HDGFL3: variants seen among roughly 807,000 people sequenced by gnomAD.
HDGFL3 encodes the protein hepatoma-derived growth factor-related protein 3.
In HDGFL3, 6 loss-of-function variants were observed where a neutral mutation model predicts 27.6. The observed-to-expected ratio is 0.22, with a 90% CI of 0.12 to 0.43. The LOEUF is 0.43. HDGFL3 is among the 20% of genes least tolerant of loss of function. HDGFL3 has a pLI of 1.00. For missense variants in HDGFL3, 207 were observed against 250.1 expected, an observed-to-expected ratio of 0.83 and a Z score of 1.16; for synonymous variants, 88 against 88.9, an observed-to-expected ratio of 0.99 and a Z score of 0.05.
At chr15:83,197,089 G>A (rs1359231807) in intron 1 of HDGFL3, among the ~76,000 whole-genome samples, 1 of 152,146 alleles carries the variant, frequency 6.6e-6, no homozygotes, top group Non-Finnish European at 1.5e-5. Context: ...CTTTATCCCA[G>A]GAGTGTACTC....
intron 4 of HDGFL3, among the ~76,000 whole-genome samples, chr15:83,154,731 A>G (rs1176208817): frequency 2.6e-5 from 4 of 152,242 alleles, no homozygotes; most frequent in Admixed American, 2.6e-4. Context: ...TAAATACAGT[A>G]TAACTATTCA....
At chr15:83,204,479 T>C (rs1469580650) in intron 1 of HDGFL3, among the ~76,000 whole-genome samples, 2 of 152,152 alleles carry the variant, frequency 1.3e-5, no homozygotes, top group South Asian at 4.1e-4. Flanking sequence ...AGGGAGGATA[T>C]ATGAACAGAT....
rs2151378170 is a variant in HDGFL3, at chr15:83,128,398, A to C, written c.*10872T>G. The C allele has an allele frequency of 6.6e-6, 1 of 152,342 alleles. No individual in the cohort carries two copies. The highest frequency in any genetic ancestry group is 2.1e-4 in the South Asian group (1 of 4,832). The allele number at this position is 152,342 out of a possible 1,614,324, so 9.4% of individuals were successfully genotyped here. On this transcript the variant is annotated 3_prime_UTR_variant, in exon 6 of 6. Coordinates refer to ENST00000299633, the MANE Select transcript of HDGFL3 (RefSeq NM_016073.4). ...AAAAGTTGATGTAGCATCCAGAAGT[A>C]ATGGTTCCTGTCCTTTCCTTGAGGG...
intron 3 of HDGFL3, among the ~76,000 whole-genome samples, chr15:83,122,529 A>T (rs2035367008): frequency 6.6e-6 from 1 of 152,198 alleles, no homozygotes; most frequent in Non-Finnish European, 1.5e-5. Context: ...GTACAGCCAT[A>T]GCTCACTGCA....
Position 83,140,300 on chromosome 15 carries a change from T to TA in HDGFL3, c.607-1026dup, listed in dbSNP as rs200686277. On this transcript the variant is annotated intron_variant, in intron 5 of 5. Transcript: ENST00000299633. ...CTATTAAAATGAGGAAGTAAATCTTTAAAAAAAAAGTTTGAAATTTGTGAA... is the reference window on the plus strand; with the variant it reads ...CTATTAAAATGAGGAAGTAAATCTTTAAAAAAAAAAGTTTGAAATTTGTGAA... 3.8e-3 allele frequency among the ~76,000 whole-genome samples: 569 copies of TA among 151,310 alleles called. 3 individuals are homozygous for TA. The highest frequency in any genetic ancestry group is 8.1e-3 in the Admixed American group (122 of 15,148).
chr15:83,206,194 T>G (rs1373347630), intron 1 of HDGFL3, among the ~76,000 whole-genome samples: 1 of 152,242 alleles, frequency 6.6e-6, no homozygotes, highest in Non-Finnish European at 1.5e-5. Flanking sequence ...TGGCCACTCG[T>G]GATGTCACTT....
At chr15:83,118,281 A>G (rs2034887939) in intron 3 of HDGFL3, among the ~76,000 whole-genome samples, 1 of 151,950 alleles carries the variant, frequency 6.6e-6, no homozygotes, top group Admixed American at 6.6e-5. Context: ...AGAGAGCAAG[A>G]GAGAGAGAGG....
At chr15:83,206,286 A>G (rs1435411821) in intron 1 of HDGFL3, among the ~76,000 whole-genome samples, 2 of 152,116 alleles carry the variant, frequency 1.3e-5, no homozygotes, top group Non-Finnish European at 2.9e-5. Flanking sequence ...AGCTCACACT[A>G]TATTTATGCC....
intron 5 of HDGFL3, among the ~76,000 whole-genome samples, chr15:83,149,004 G>T (rs186058068): frequency 6.6e-6 from 1 of 151,962 alleles, no homozygotes; most frequent in Admixed American, 6.6e-5. Context: ...TTTTAGGTTC[G>T]GTGGTAGGGT....
rs143939477 is a variant in HDGFL3 at position 83,141,526 on chromosome 15, T to C, written c.607-2251A>G. On this transcript the variant is annotated intron_variant, in intron 5 of 5. Transcript: ENST00000299633. ...AACTGTTTTTTGCCAATGATAAAATTTGAGTGTTCAGTGAAAACTAGAATT... is the reference window on the plus strand; with the variant it reads ...AACTGTTTTTTGCCAATGATAAAATCTGAGTGTTCAGTGAAAACTAGAATT... Among the ~76,000 whole-genome samples the C allele has an allele frequency of 7.2e-5, 11 of 152,360 alleles. No homozygotes were observed. In the East Asian group the frequency reaches 1.7e-3, roughly 24 times the overall value.
intron 5 of HDGFL3, among the ~76,000 whole-genome samples, chr15:83,140,208 GGAGA>G (rs891139975): frequency 1.3e-5 from 2 of 152,056 alleles, no homozygotes; most frequent in African/African-American, 2.4e-5. Flanking sequence ...GACCTTCAAA[GGAGA>G]GAGAGTTACC....
chr15:83,197,234 C>T (rs140643221), intron 1 of HDGFL3, among the ~76,000 whole-genome samples: 3 of 152,280 alleles, frequency 2.0e-5, no homozygotes, highest in African/African-American at 7.2e-5. Context: ...CCTGGCATAT[C>T]ATAAAATTTA....
chr15:83,116,270 A>G (rs982829162), intron 3 of HDGFL3, among the ~76,000 whole-genome samples: 1 of 152,204 alleles, frequency 6.6e-6, no homozygotes, highest in Non-Finnish European at 1.5e-5. Flanking sequence ...TTAATACATG[A>G]CTATCTCAGA....
At position 83,130,233 on chromosome 15, in the gene HDGFL3, A is replaced by C. The variant is rs1461266124; in HGVS notation, c.*9037T>G. On this transcript the variant is annotated 3_prime_UTR_variant, in exon 6 of 6. Coordinates refer to ENST00000299633, the MANE Select transcript of HDGFL3 (RefSeq NM_016073.4). ...GCCAGGGTCAACAGTCAGGAAGCTT[A>C]GGAAGGTCATAGCTTAGAGGAAAAT... The C allele has an allele frequency of 1.3e-5, 2 of 152,374 alleles. No individual in the cohort carries two copies. The highest frequency in any genetic ancestry group is 2.9e-5 in the Non-Finnish European group (2 of 68,146). The allele number at this position is 152,374 out of a possible 1,614,324, so 9.4% of individuals were successfully genotyped here. A position where few individuals can be genotyped will look rare whatever the true frequency, so the allele number is the denominator to read the frequency against.
intron 3 of HDGFL3, among the ~76,000 whole-genome samples, chr15:83,120,581 CTAAT>C (rs1183018200): frequency 3.7e-4 from 55 of 150,218 alleles, no homozygotes; most frequent in African/African-American, 1.2e-3. Context: ...TCAGCTCCAG[CTAAT>C]TCTTTTTTTT....
In HDGFL3 at chr15:83,148,781, T is replaced by G. The variant is rs373750828; in HGVS notation, c.606+2434A>C. Among the ~76,000 whole-genome samples the G allele has an allele frequency of 8.9e-4, 135 of 152,180 alleles. 2 individuals are homozygous for G. The South Asian group carries it at 0.028, about 31-fold the overall frequency. ...CTACACATAACCACATGAAGGAATCTTGGGAAAACAGTGCTGAGTGAATGT... is the reference window on the plus strand; with the variant it reads ...CTACACATAACCACATGAAGGAATCGTGGGAAAACAGTGCTGAGTGAATGT... On this transcript the variant is annotated intron_variant, in intron 5 of 5. Transcript: ENST00000299633.
chr15:83,157,380 A>G (rs2037044584), intron 4 of HDGFL3, 35 bp downstream of exon 4: 2 of 1,569,718 alleles, frequency 1.3e-6, no homozygotes, highest in Non-Finnish European at 1.8e-6. Context: ...GGATATGCAT[A>G]TAACATTAAT....
chr15:83,127,806 C>T lies in HDGFL3; in HGVS notation c.*11464G>A, dbSNP rs532748574. 3.2e-4 allele frequency: 87 copies of T among 274,982 alleles called. No individual in the cohort carries two copies. The highest frequency in any genetic ancestry group is 2.0e-3 in the African/African-American group (86 of 43,334). The allele number at this position is 274,982 out of a possible 1,614,324, so 17.0% of individuals were successfully genotyped here. ...TCACAATCTCTGAATACCATGGCTA[C>T]TAAAAAAGGATTGAGAGCTGTCACC... On this transcript the variant is annotated 3_prime_UTR_variant, in exon 6 of 6. Coordinates refer to ENST00000299633, the MANE Select transcript of HDGFL3 (RefSeq NM_016073.4).
At chr15:83,121,885 T>A (rs1315859399) in intron 3 of HDGFL3, 3 of 1,515,392 alleles carry the variant, frequency 2.0e-6, no homozygotes, top group South Asian at 1.2e-5. Flanking sequence ...AAGACAAACA[T>A]ACCAAGTCAA....
Sources: allele counts gnomAD v4.1 joint callset (sites outside exome capture counted in the v4.1 genomes callset), GRCh38; gene constraint gnomAD v4.1.1; transcripts MANE v1.5; gene names NCBI Gene and HGNC (gene_info 2026-07-23, HGNC 2026-07-21).